The following SNRPN variants were observed in gnomAD, a reference collection of about 807,000 sequenced individuals.
The protein encoded by SNRPN is small nuclear ribonucleoprotein polypeptide N.
A neutral mutation model predicts 25.2 loss-of-function variants in SNRPN; 7 were observed. The observed-to-expected ratio is 0.28, with a 90% confidence interval of 0.16 to 0.52. The LOEUF is 0.52. Among genes scored for constraint, SNRPN ranks in the 20% least tolerant of loss-of-function variants. The probability of loss-of-function intolerance (pLI) is 0.96; values close to 1 mark genes in which losing one functional copy is unlikely to be tolerated. For missense variants in SNRPN, 196 were observed against 322.5 expected (o/e 0.61, Z 3.00); for synonymous variants, 124 against 110.6 (o/e 1.12, Z -0.76).
intron 1 of SNRPN, among the ~76,000 whole-genome samples, chr15:24,960,242 A>G (rs2074547714): frequency 6.6e-6 from 1 of 152,162 alleles, no homozygotes; most frequent in African/African-American, 2.4e-5. Flanking sequence ...TAACATTTTT[A>G]GGAAGTTGGC....
intron 2 of SNRPN, among the ~76,000 whole-genome samples, chr15:24,962,670 G>A (rs2075019128): frequency 6.6e-6 from 1 of 152,032 alleles, no homozygotes; most frequent in African/African-American, 2.4e-5. Context: ...GTATATATAT[G>A]TGGAATGTAT....
chr15:24,860,552 G>A (rs936042231), intron 1 of SNRPN, among the ~76,000 whole-genome samples: 3 of 152,176 alleles, frequency 2.0e-5, no homozygotes, highest in Non-Finnish European at 4.4e-5. Flanking sequence ...AGTTAAAAAT[G>A]TCATCAGTCG....
intron 2 of SNRPN, among the ~76,000 whole-genome samples, chr15:24,843,287 G>A (rs2051859298): frequency 6.6e-6 from 1 of 152,150 alleles, no homozygotes; most frequent in African/African-American, 2.4e-5. Flanking sequence ...GTTACTACAA[G>A]CATATGGTTT....
In SNRPN at chr15:24,967,806, T is replaced by TG. The variant is rs1422623792; in HGVS notation, c.-294-124dup. ...CTGGGCAACAGAATGAGACCCTGTC[T>TG]GGAAAAAAAAAAAAAAAAAAAAGGA... is the stretch of plus-strand genomic sequence containing the variant. On this transcript the variant is annotated intron_variant, in intron 2 of 9. Coordinates refer to ENST00000390687, the MANE Select transcript of SNRPN (RefSeq NM_003097.6). 58 of 700,624 alleles carry TG rather than the reference T, an allele frequency of 8.3e-5. No homozygotes were observed. The African/African-American group carries it at 1.1e-3, about 13-fold the overall frequency. The allele number at this position is 700,624 out of a possible 1,614,324, so 43.4% of individuals were successfully genotyped here.
intron 3 of SNRPN, among the ~76,000 whole-genome samples, chr15:24,943,944 C>A (rs911679107): frequency 6.6e-6 from 1 of 152,140 alleles, no homozygotes; most frequent in Non-Finnish European, 1.5e-5. Flanking sequence ...GCCTCAGCCT[C>A]CTGAGTAGCT....
intron 2 of SNRPN, among the ~76,000 whole-genome samples, chr15:24,900,520 C>T (rs2058380054): frequency 6.6e-6 from 1 of 151,902 alleles, no homozygotes; most frequent in African/African-American, 2.4e-5. Flanking sequence ...GGGTTAGATA[C>T]CATTAAAGGG....
At chr15:24,865,183 A>G (rs765056891) in intron 1 of SNRPN, among the ~76,000 whole-genome samples, 1 of 151,758 alleles carries the variant, frequency 6.6e-6, no homozygotes, top group Non-Finnish European at 1.5e-5. Flanking sequence ...AATAACTGGG[A>G]TTACGGGCAC....
intron 1 of SNRPN, among the ~76,000 whole-genome samples, chr15:24,956,342 C>T (rs1366797321): frequency 7.2e-6 from 1 of 139,048 alleles, no homozygotes; most frequent in Admixed American, 7.7e-5. Context: ...TAGATCTGCG[C>T]AAGCGCTTCA....
At chr15:24,971,065 T>C (rs1227837043) in intron 3 of SNRPN, among the ~76,000 whole-genome samples, 4 of 151,114 alleles carry the variant, frequency 2.6e-5, no homozygotes, top group African/African-American at 9.9e-5. Context: ...TACTATTTGC[T>C]ATGTGTGCTT....
chr15:24,906,059 A>G (rs1595823249), intron 2 of SNRPN, among the ~76,000 whole-genome samples: 1 of 152,230 alleles, frequency 6.6e-6, no homozygotes, highest in Non-Finnish European at 1.5e-5. Context: ...TAAAAGTATT[A>G]TGTGACATGG....
chr15:24,920,021 T>C (rs897400662), exon 3 of SNRPN: 1 of 152,186 alleles, frequency 6.6e-6, no homozygotes, highest in East Asian at 1.9e-4. Context: ...CATATGTAAG[T>C]GGAACTCAGA....
At chr15:24,865,410 A>G (rs569870301) in intron 1 of SNRPN, among the ~76,000 whole-genome samples, 2 of 152,238 alleles carry the variant, frequency 1.3e-5, no homozygotes, top group Non-Finnish European at 2.9e-5. Context: ...TCAGGACACA[A>G]AGGCAGACAA....
intron 2 of SNRPN, among the ~76,000 whole-genome samples, chr15:24,918,430 CAT>C (rs2059697867): frequency 3.6e-5 from 3 of 83,248 alleles, no homozygotes; most frequent in East Asian, 3.5e-4. Context: ...GTATATATAA[CAT>C]AATATATATG....
Position 24,865,528 on chromosome 15 carries a change from C to G in SNRPN, c.-579+8812C>G, listed in dbSNP as rs541961475. ...TGTGCAATCAAGGCTGTAGCGATGG[C>G]TGTTGGAACAGAGGCTGGAGTTAGC... On this transcript the variant is annotated intron_variant, in intron 1 of 11. Transcript: ENST00000400097. Among the ~76,000 whole-genome samples, 136 of 152,190 alleles carry G rather than the reference C, an allele frequency of 8.9e-4. 1 individual carries two copies. The highest frequency in any genetic ancestry group is 1.6e-3 in the Non-Finnish European group (108 of 68,012).
At chr15:24,972,319 T>C (rs550185936) in intron 3 of SNRPN, among the ~76,000 whole-genome samples, 1 of 151,820 alleles carries the variant, frequency 6.6e-6, no homozygotes, top group Non-Finnish European at 1.5e-5. Flanking sequence ...GGATTTAGAC[T>C]GCTTTATAAA....
chr15:24,955,254 C>T (rs1251712841), intron 1 of SNRPN, among the ~76,000 whole-genome samples, 192 bp downstream of exon 1: 1 of 152,108 alleles, frequency 6.6e-6, no homozygotes, highest in East Asian at 1.9e-4. Context: ...CGATGGTATC[C>T]TGTCCGCTCG....
At chr15:24,910,956 A>T (rs1196687277) in intron 2 of SNRPN, 1 of 887,982 alleles carries the variant, frequency 1.1e-6, no homozygotes, top group Non-Finnish European at 1.8e-6. Context: ...GCAGCAGCCA[A>T]CACCCAAAAC....
At position 24,936,605 on chromosome 15, in the gene SNRPN, C is replaced by T. The variant is rs147064567; in HGVS notation, c.-391+16481C>T. On this transcript the variant is annotated intron_variant, in intron 3 of 11. Transcript: ENST00000400097. The stretch of plus-strand genomic sequence containing the variant: ...CTAAAGGAATCATGGCTGGGGAGTC[C>T]CTAAGAAACTTGCATCATGGCAGAA... Among the ~76,000 whole-genome samples the T allele has an allele frequency of 8.5e-4, 130 of 152,146 alleles. 1 individual carries two copies. Among genetic ancestry groups the T allele is most frequent in the African/African-American group, 2.9e-3 (120 of 41,488 alleles).
At chr15:24,883,397 C>G (rs1416957874) in intron 1 of SNRPN, among the ~76,000 whole-genome samples, 1 of 152,216 alleles carries the variant, frequency 6.6e-6, no homozygotes, top group Admixed American at 6.5e-5. Flanking sequence ...TCTGGGAGGA[C>G]AGTAGCCCAC....
Sources: gnomAD v4.1 joint callset for allele counts (sites outside exome capture counted in the v4.1 genomes callset) on GRCh38, gnomAD v4.1.1 for gene constraint, MANE v1.5 for transcripts, NCBI Gene and HGNC (gene_info 2026-07-23, HGNC 2026-07-21) for gene names.